ST6GALNAC5: variants seen among roughly 807,000 people sequenced by gnomAD.
The protein encoded by ST6GALNAC5 is alpha-N-acetylgalactosaminide alpha-2,6-sialyltransferase 5.
In ST6GALNAC5, 27 loss-of-function variants were observed where a neutral mutation model predicts 33.6. That is an observed-to-expected ratio of 0.80 (90% CI 0.59 to 1.11). ST6GALNAC5 has a LOEUF of 1.11. Among genes scored for constraint, ST6GALNAC5 ranks in the 50% least tolerant of loss-of-function variants. The probability of loss-of-function intolerance (pLI) is 0.00; values close to 1 mark genes in which losing one functional copy is unlikely to be tolerated. For missense variants in ST6GALNAC5, 428 were observed against 454.0 expected, an observed-to-expected ratio of 0.94 and a Z score of 0.52; for synonymous variants, 194 against 171.2, an observed-to-expected ratio of 1.13 and a Z score of -1.04.
chr1:76,868,389 C>G lies in ST6GALNAC5; in HGVS notation c.16-108C>G. The G allele has an allele frequency of 6.9e-7, 1 of 1,448,848 alleles. No individual in the cohort carries two copies. Among genetic ancestry groups the G allele is most frequent in the South Asian group, 1.4e-5 (1 of 69,172 alleles). The allele number at this position is 1,448,848 out of a possible 1,614,324, so 89.7% of individuals were successfully genotyped here. The stretch of plus-strand genomic sequence containing the variant: ...CGGCGGGGCTGGGGCCCAGGCCGCC[C>G]CAAATCTCCCCCACTAGAGTGACCA... On this transcript the variant is annotated intron_variant, in intron 1 of 4. Coordinates refer to ENST00000477717, the MANE Select transcript of ST6GALNAC5 (RefSeq NM_030965.3). This position sits in a 1 kb window ranked among gnomAD's most constrained non-coding sequence, Gnocchi z 4.3.
rs1398750394 is a variant in ST6GALNAC5, at chr1:76,868,901, G to C, written c.261+159G>C. On this transcript the variant is annotated intron_variant, in intron 2 of 4. Coordinates refer to ENST00000477717, the MANE Select transcript of ST6GALNAC5 (RefSeq NM_030965.3). This position sits in a 1 kb window ranked among gnomAD's most constrained non-coding sequence, Gnocchi z 4.3. ...GGGTAGGGTGGGCTAGTTCCAACTTGGTATGAATTCTTATTTGGAGAAAGA... is the reference window on the plus strand; with the variant it reads ...GGGTAGGGTGGGCTAGTTCCAACTTCGTATGAATTCTTATTTGGAGAAAGA... The C allele has an allele frequency of 2.9e-5, 34 of 1,174,870 alleles. No individual in the cohort carries two copies. The highest frequency in any genetic ancestry group is 3.7e-5 in the Non-Finnish European group (33 of 880,028). The allele number at this position is 1,174,870 out of a possible 1,614,324, so 72.8% of individuals were successfully genotyped here. A position where few individuals can be genotyped will look rare whatever the true frequency, so the allele number is the denominator to read the frequency against.
chr1:76,889,912 T>C (rs1342262862), intron 2 of ST6GALNAC5, among the ~76,000 whole-genome samples: 2 of 152,194 alleles, frequency 1.3e-5, no homozygotes, highest in East Asian at 1.9e-4. Flanking sequence ...TTTATGTATC[T>C]GATAACATTA....
At chr1:76,893,957 C>T (rs748839628) in intron 2 of ST6GALNAC5, among the ~76,000 whole-genome samples, 4 of 152,192 alleles carry the variant, frequency 2.6e-5, no homozygotes, top group African/African-American at 4.8e-5. Context: ...CCGCGCCCAG[C>T]CTAGAAGAGA....
At chr1:76,955,617 A>T (rs534804552) in intron 2 of ST6GALNAC5, among the ~76,000 whole-genome samples, 1 of 152,316 alleles carries the variant, frequency 6.6e-6, no homozygotes, top group South Asian at 2.1e-4. Context: ...CTACTGGCAC[A>T]CATTGAGTTT....
intron 2 of ST6GALNAC5, among the ~76,000 whole-genome samples, chr1:76,908,632 C>A (rs1017193204): frequency 2.0e-5 from 3 of 152,148 alleles, no homozygotes; most frequent in African/African-American, 7.2e-5. Flanking sequence ...TCCTTCAGGA[C>A]ACCTAGGTTA....
chr1:77,037,762 A>C (rs1321138579), intron 2 of ST6GALNAC5, among the ~76,000 whole-genome samples: 1 of 152,162 alleles, frequency 6.6e-6, no homozygotes, highest in East Asian at 1.9e-4. Context: ...TGCTGCAGGA[A>C]CTACAAGACA....
intron 2 of ST6GALNAC5, among the ~76,000 whole-genome samples, chr1:76,886,651 AAATT>A (rs2100242237): frequency 6.6e-6 from 1 of 152,276 alleles, no homozygotes; most frequent in Admixed American, 6.5e-5. Context: ...GATGTTTCCT[AAATT>A]TGTCATCACC....
At chr1:76,927,561 T>G (rs1647098055) in intron 2 of ST6GALNAC5, among the ~76,000 whole-genome samples, 1 of 152,118 alleles carries the variant, frequency 6.6e-6, no homozygotes, top group South Asian at 2.1e-4. Flanking sequence ...AAGTAGCCCC[T>G]GGGGAAAATA....
intron 2 of ST6GALNAC5, among the ~76,000 whole-genome samples, chr1:76,905,489 G>C (rs1019156124): frequency 6.6e-6 from 1 of 152,136 alleles, no homozygotes. Context: ...AGGGAACAGC[G>C]TATTTCTCCA....
intron 3 of ST6GALNAC5, among the ~76,000 whole-genome samples, chr1:77,046,330 C>T (rs1226775527): frequency 1.3e-5 from 2 of 152,230 alleles, no homozygotes; most frequent in Non-Finnish European, 2.9e-5. Context: ...GCTAGCAGCT[C>T]ATTATTAGAG....
At chr1:77,031,503 G>A (rs1475430352) in intron 2 of ST6GALNAC5, among the ~76,000 whole-genome samples, 1 of 152,122 alleles carries the variant, frequency 6.6e-6, no homozygotes, top group Non-Finnish European at 1.5e-5. Flanking sequence ...CTCAAATGAT[G>A]ACTCATTCTG....
intron 2 of ST6GALNAC5, among the ~76,000 whole-genome samples, chr1:76,976,840 G>A (rs963754387): frequency 3.3e-5 from 5 of 151,482 alleles, no homozygotes; most frequent in African/African-American, 1.2e-4. Flanking sequence ...TTTTTTTTAA[G>A]AACCAACATT....
chr1:77,044,669 C>G, intron 3 of ST6GALNAC5, 56 bp downstream of exon 3: 2 of 1,503,840 alleles, frequency 1.3e-6, no homozygotes, highest in Non-Finnish European at 1.8e-6. Flanking sequence ...TCATCACTGG[C>G]TGACTCACCC....
At chr1:76,961,832 T>C (rs1648251955) in intron 2 of ST6GALNAC5, among the ~76,000 whole-genome samples, 1 of 152,318 alleles carries the variant, frequency 6.6e-6, no homozygotes, top group African/African-American at 2.4e-5. Flanking sequence ...TTTACATCTT[T>C]TGCAGGGTCC....
intron 2 of ST6GALNAC5, among the ~76,000 whole-genome samples, chr1:77,025,746 C>G (rs1651206424): frequency 6.6e-6 from 1 of 152,020 alleles, no homozygotes; most frequent in South Asian, 2.1e-4. Flanking sequence ...GCCTCGTCCA[C>G]TGTGCCGGGT....
intron 2 of ST6GALNAC5, among the ~76,000 whole-genome samples, chr1:76,886,010 A>G (rs1198358740): frequency 1.3e-5 from 2 of 152,328 alleles, no homozygotes; most frequent in African/African-American, 4.8e-5. Flanking sequence ...GCAGTGGGGC[A>G]GTCCTTTGTA....
intron 2 of ST6GALNAC5, among the ~76,000 whole-genome samples, chr1:76,916,275 C>T (rs116746050): frequency 5.9e-5 from 9 of 152,184 alleles, no homozygotes; most frequent in Non-Finnish European, 7.4e-5. Context: ...GCAGCTGCTT[C>T]GCCTTTGTCT....
In ST6GALNAC5 at chr1:77,044,478, G is replaced by C. The variant is rs200875685; in HGVS notation, c.536G>C (p.Arg179Pro). Residue 179 changes from arginine (R) to proline (P), a missense_variant, in exon 3 of 5, where the codon CGG becomes CCG. Transcript: ENST00000477717. ...TGGGGCCCCAGCAGCTACATGCGGC[G>C]GGACGGCAAGGGCCAGGTCTACAAC... ...IFWGPSSYMR[R>P]DGKGQVYNNL... 2 of 1,613,352 alleles carry C rather than the reference G, an allele frequency of 1.2e-6. No homozygotes were observed. Among genetic ancestry groups the C allele is most frequent in the Non-Finnish European group, 1.7e-6 (2 of 1,179,776 alleles).
rs372801537 is a variant in ST6GALNAC5 at position 76,878,572 on chromosome 1, T to A, written c.261+9830T>A. Among the ~76,000 whole-genome samples, 58 of 152,196 alleles carry A rather than the reference T, an allele frequency of 3.8e-4. No individual in the cohort carries two copies. In the South Asian group the frequency reaches 4.8e-3, roughly 13 times the overall value. ...CCCTGGTAAAAGGCTGGCGATCTCCTGGGGAAAGGATGGGAAAAAGAGTCA... is the reference window on the plus strand; with the variant it reads ...CCCTGGTAAAAGGCTGGCGATCTCCAGGGGAAAGGATGGGAAAAAGAGTCA... On this transcript the variant is annotated intron_variant, in intron 2 of 4. Transcript: ENST00000477717.
Sources: allele counts gnomAD v4.1 joint callset (sites outside exome capture counted in the v4.1 genomes callset), GRCh38; gene constraint gnomAD v4.1.1; non-coding constraint Gnocchi (gnomAD v3.1); transcripts MANE v1.5; gene names NCBI Gene and HGNC (gene_info 2026-07-23, HGNC 2026-07-21).